Variants in PECR observed in about 807,000 individuals in gnomAD.
PECR encodes peroxisomal trans-2-enoyl-CoA reductase, also known as 2,4-dienoyl-CoA reductase-related protein.
PECR carries 30 observed loss-of-function variants against 35.3 expected under a neutral mutation model. That is an observed-to-expected ratio of 0.85 (90% CI 0.64 to 1.15). PECR has a LOEUF of 1.15. Among genes scored for constraint, PECR ranks in the 50% most tolerant of loss-of-function variants. The pLI is 0.00. For synonymous variants in PECR, 148 were observed against 138.9 expected, an observed-to-expected ratio of 1.07 and a Z score of -0.46; for missense variants, 392 against 370.8, an observed-to-expected ratio of 1.06 and a Z score of -0.47.
intron 1 of PECR, among the ~76,000 whole-genome samples, chr2:216,077,502 C>T (rs549817043): frequency 7.5e-6 from 1 of 134,096 alleles, no homozygotes; most frequent in South Asian, 2.3e-4. Context: ...GCAAGACCTC[C>T]ATCTCAAAAA....
chr2:216,046,178 T>A (rs1298352225), intron 6 of PECR, among the ~76,000 whole-genome samples: 1 of 150,500 alleles, frequency 6.6e-6, no homozygotes, highest in Non-Finnish European at 1.5e-5. Flanking sequence ...TGTTAACATG[T>A]ACTCCTTTAT....
intron 2 of PECR, among the ~76,000 whole-genome samples, chr2:216,065,946 G>A (rs949641339): frequency 2.0e-5 from 3 of 152,186 alleles, no homozygotes; most frequent in South Asian, 2.1e-4. Context: ...CCAACACGGT[G>A]AAACCCGTCT....
chr2:216,042,177 TGTCAG>T (rs1694899106), intron 7 of PECR, among the ~76,000 whole-genome samples: 1 of 152,158 alleles, frequency 6.6e-6, no homozygotes, highest in South Asian at 2.1e-4. Flanking sequence ...CTATCTCCAG[TGTCAG>T]AACTGAATGA....
chr2:216,029,496 T>C lies in PECR; in HGVS notation c.*440+9695A>G, dbSNP rs572956717. ...ATCTCAAAAGAAGGATTGAGGCTGCTGAGTTAGGACGACAAAGGCAAAATG... is the reference window on the plus strand; with the variant it reads ...ATCTCAAAAGAAGGATTGAGGCTGCCGAGTTAGGACGACAAAGGCAAAATG... On this transcript the variant is annotated intron_variant and NMD_transcript_variant, in intron 7 of 7. Coordinates refer to the PECR transcript ENST00000442122. 2.6e-4 allele frequency among the ~76,000 whole-genome samples: 40 copies of C among 152,274 alleles called. No homozygotes were observed. In the South Asian group the frequency reaches 7.7e-3, roughly 29 times the overall value.
intron 1 of PECR, among the ~76,000 whole-genome samples, chr2:216,074,522 A>AAGGG (rs1695652816): frequency 6.7e-6 from 1 of 149,280 alleles, no homozygotes; most frequent in East Asian, 2.0e-4. Flanking sequence ...GGAAGGAAGG[A>AAGGG]AGGAAGGAAG....
At chr2:216,031,497 A>AAGAAAGAAAGAAAG (rs1694697428) in intron 7 of PECR, among the ~76,000 whole-genome samples, 3 of 114,802 alleles carry the variant, frequency 2.6e-5, no homozygotes, top group Non-Finnish European at 5.2e-5. Flanking sequence ...AAGAAAGAGA[A>AAGAAAGAAAGAAAG]AGAAAGAGAG....
intron 7 of PECR, among the ~76,000 whole-genome samples, chr2:216,030,384 C>G (rs538832420): frequency 1.6e-4 from 25 of 152,278 alleles, no homozygotes; most frequent in African/African-American, 5.5e-4. Context: ...GTTTCTTGAC[C>G]TGTTCATGCC....
At chr2:216,037,982 G>A (rs1197092273), downstream of PECR, among the ~76,000 whole-genome samples, 1 of 150,754 alleles carries the variant, frequency 6.6e-6, no homozygotes, top group Admixed American at 6.7e-5. Context: ...CTACGCAGGA[G>A]GCTGAAGCAG....
At chr2:216,055,088 G>A (rs540307762) in intron 4 of PECR, among the ~76,000 whole-genome samples, 1 of 149,266 alleles carries the variant, frequency 6.7e-6, no homozygotes, top group African/African-American at 2.5e-5. Flanking sequence ...CTCCAGCCTG[G>A]GTGATAGAGC....
intron 3 of PECR, among the ~76,000 whole-genome samples, chr2:216,060,555 G>A (rs986216921): frequency 9.2e-5 from 14 of 152,096 alleles, no homozygotes; most frequent in South Asian, 2.1e-4. Context: ...GCAGCTGCTC[G>A]GTAGGCTGAA....
chr2:216,043,712 A>T (rs111434082), intron 7 of PECR, among the ~76,000 whole-genome samples, 192 bp downstream of exon 7: 4 of 152,346 alleles, frequency 2.6e-5, no homozygotes, highest in African/African-American at 9.6e-5. Context: ...TCCATAATAT[A>T]GATAGTTAGA....
chr2:216,031,491 AAG>A (rs1259797554), intron 7 of PECR, among the ~76,000 whole-genome samples: 6 of 130,576 alleles, frequency 4.6e-5, no homozygotes, highest in African/African-American at 1.5e-4. Context: ...GAAAGAAAGA[AAG>A]AGAAAGAAAG....
chr2:216,081,793 G>C lies in PECR; in HGVS notation c.-52C>G. 6.3e-7 allele frequency: 1 copy of C among 1,598,152 alleles called. No homozygotes were observed. Among genetic ancestry groups the C allele is most frequent in the Non-Finnish European group, 8.5e-7 (1 of 1,175,224 alleles). On this transcript the variant is annotated 5_prime_UTR_variant, in exon 1 of 8. Transcript: ENST00000265322. ...GAGCGCAGGCCCTTCTGGGTCTCAG[G>C]GACATTCGAGGCGGGCGGGCGGACA...
intron 3 of PECR, among the ~76,000 whole-genome samples, chr2:216,064,886 T>C (rs1175228044): frequency 6.6e-6 from 1 of 152,174 alleles, no homozygotes; most frequent in African/African-American, 2.4e-5. Flanking sequence ...ACATGACCTT[T>C]AATCCAAAGA....
intron 4 of PECR, among the ~76,000 whole-genome samples, chr2:216,054,670 T>C (rs16825189): frequency 0.11 from 17,379 of 151,956 alleles, 1,444 homozygotes; most frequent in South Asian, 0.22. Context: ...TAAATATCTA[T>C]TGCCCATGGA....
intron 3 of PECR, among the ~76,000 whole-genome samples, chr2:216,063,337 T>C (rs1265679349): frequency 6.6e-6 from 1 of 152,212 alleles, no homozygotes; most frequent in African/African-American, 2.4e-5. Context: ...CAGAAAAATA[T>C]GGCTGGGCAC....
At chr2:216,042,543 C>A (rs139694613) in intron 7 of PECR, among the ~76,000 whole-genome samples, 2 of 152,036 alleles carry the variant, frequency 1.3e-5, no homozygotes, top group African/African-American at 4.8e-5. Context: ...CATTTTATAC[C>A]CTTTACTACA....
intron 4 of PECR, among the ~76,000 whole-genome samples, chr2:216,057,370 A>C (rs1695250558): frequency 1.3e-5 from 2 of 152,214 alleles, no homozygotes; most frequent in Admixed American, 1.3e-4. Flanking sequence ...AAAAATAAGA[A>C]GAAATCTCTT....
chr2:216,031,473 A>G lies in PECR; in HGVS notation c.*440+7718T>C, dbSNP rs376245988. ...AAAGAAAGAGAGAAAGAAAGAAAGAAAGAGAAAGAAAGAAAGAAAGAGAAA... is the reference window on the plus strand; with the variant it reads ...AAAGAAAGAGAGAAAGAAAGAAAGAGAGAGAAAGAAAGAAAGAAAGAGAAA... On this transcript the variant is annotated intron_variant and NMD_transcript_variant, in intron 7 of 7. Transcript: ENST00000442122. Among the ~76,000 whole-genome samples, 105 of 110,652 alleles carry G rather than the reference A, an allele frequency of 9.5e-4. 1 individual carries two copies. The South Asian group carries it at 9.7e-3, about 10-fold the overall frequency. 72.6% of individuals were successfully genotyped at this position (110,652 alleles called of 152,430 possible). A position where few individuals can be genotyped will look rare whatever the true frequency, so the allele number is the denominator to read the frequency against.
Sources: allele counts gnomAD v4.1 joint callset (sites outside exome capture counted in the v4.1 genomes callset), GRCh38; gene constraint gnomAD v4.1.1; transcripts MANE v1.5; gene names NCBI Gene and HGNC (gene_info 2026-07-23, HGNC 2026-07-21).